The following SFXN4 variants were observed in gnomAD, a reference collection of about 807,000 sequenced individuals.
The protein encoded by SFXN4 is sideroflexin-4.
SFXN4 carries 48 observed loss-of-function variants against 54.6 expected under a neutral mutation model. That is an observed-to-expected ratio of 0.88 (90% CI 0.70 to 1.12). The LOEUF is 1.12. Ranked by LOEUF, SFXN4 falls within the 50% of genes most tolerant of loss-of-function variation. The pLI is 0.00. For synonymous variants in SFXN4, 130 were observed against 145.5 expected (o/e 0.89, Z 0.77); for missense variants, 383 against 409.2 (o/e 0.94, Z 0.55).
intron 1 of SFXN4, chr10:119,165,132 C>T: frequency 2.3e-6 from 2 of 873,512 alleles, no homozygotes; most frequent in Non-Finnish European, 1.4e-6. Flanking sequence ...GGAGATAAGT[C>T]CTGCTTATGT....
At chr10:119,150,985 T>C (rs943465138) in intron 11 of SFXN4, among the ~76,000 whole-genome samples, 2 of 150,418 alleles carry the variant, frequency 1.3e-5, no homozygotes, top group Non-Finnish European at 2.9e-5. Flanking sequence ...GACGGATGAA[T>C]CTCAAACGTG....
At chr10:119,165,149 C>T in intron 1 of SFXN4, 1 of 991,772 alleles carries the variant, frequency 1.0e-6, no homozygotes, top group Non-Finnish European at 1.2e-6. Flanking sequence ...ATGTCCTGCC[C>T]AAGGGTGGCT....
chr10:119,157,798 A>T (rs560018929), intron 8 of SFXN4, 65 bp from the exon 9 acceptor site: 5 of 1,604,820 alleles, frequency 3.1e-6, no homozygotes, highest in Non-Finnish European at 4.3e-6. Flanking sequence ...GATAATTTAA[A>T]AACAAACACA....
intron 10 of SFXN4, among the ~76,000 whole-genome samples, chr10:119,155,928 A>C (rs1847262094): frequency 6.6e-6 from 1 of 152,122 alleles, no homozygotes; most frequent in African/African-American, 2.4e-5. Context: ...GCAGAGTCAA[A>C]ATATTCAGCT....
chr10:119,147,249 C>T (rs139222827), intron 12 of SFXN4, among the ~76,000 whole-genome samples: 36 of 152,356 alleles, frequency 2.4e-4, no homozygotes, highest in African/African-American at 7.5e-4. Flanking sequence ...AAAGCCCCAA[C>T]GTCTCCCCTC....
chr10:119,152,510 C>G (rs1325574271), intron 11 of SFXN4, among the ~76,000 whole-genome samples: 1 of 152,132 alleles, frequency 6.6e-6, no homozygotes, highest in African/African-American at 2.4e-5. Flanking sequence ...GAACTCCTGA[C>G]CGACTGCAAG....
intron 13 of SFXN4, among the ~76,000 whole-genome samples, chr10:119,145,271 C>T (rs1282905914): frequency 6.7e-6 from 1 of 150,010 alleles, no homozygotes; most frequent in African/African-American, 2.4e-5. Context: ...ACTGATGACT[C>T]ACCTTCACTT....
chr10:119,157,631 G>A (rs1847325628), intron 9 of SFXN4, 37 bp downstream of exon 9: 9 of 1,478,420 alleles, frequency 6.1e-6, no homozygotes, highest in Non-Finnish European at 6.5e-6. Flanking sequence ...GGATTCTGAG[G>A]AATAAAGAAG....
chr10:119,158,174 C>A (rs1564824544), intron 6 of SFXN4, 112 bp from the exon 7 acceptor site: 1 of 1,011,898 alleles, frequency 9.9e-7, no homozygotes, highest in Non-Finnish European at 1.6e-6. Flanking sequence ...GGAGCTGGGG[C>A]AGGAGAGGAT....
chr10:119,143,960 C>T (rs535993850), intron 13 of SFXN4, among the ~76,000 whole-genome samples: 3 of 152,252 alleles, frequency 2.0e-5, no homozygotes, highest in South Asian at 2.1e-4. Flanking sequence ...AACCCCTCGC[C>T]CATAGCATAG....
intron 12 of SFXN4, among the ~76,000 whole-genome samples, chr10:119,146,962 C>T (rs1010000867): frequency 1.3e-5 from 2 of 152,138 alleles, no homozygotes; most frequent in South Asian, 2.1e-4. Flanking sequence ...CCCAGGCATG[C>T]GACCTAACTC....
At chr10:119,143,290 C>T (rs1434259694) in intron 13 of SFXN4, among the ~76,000 whole-genome samples, 1 of 152,128 alleles carries the variant, frequency 6.6e-6, no homozygotes, top group East Asian at 1.9e-4. Context: ...TCTTCCCTCT[C>T]CCTCCTGGGC....
intron 9 of SFXN4, 79 bp from the exon 10 acceptor site, chr10:119,156,835 C>CCTCT: frequency 9.5e-7 from 1 of 1,052,140 alleles, no homozygotes; most frequent in Non-Finnish European, 1.4e-6. Flanking sequence ...GAGAGGTCGC[C>CCTCT]CTGACCTAGT....
intron 11 of SFXN4, among the ~76,000 whole-genome samples, chr10:119,152,222 T>C (rs1751940477): frequency 1.7e-5 from 1 of 58,008 alleles, no homozygotes; most frequent in South Asian, 1.0e-3. Flanking sequence ...AAAATGTCTC[T>C]TTCGGGCGTT....
chr10:119,160,386 G>A (rs1215953042), intron 5 of SFXN4, among the ~76,000 whole-genome samples: 1 of 151,418 alleles, frequency 6.6e-6, no homozygotes, highest in Non-Finnish European at 1.5e-5. Flanking sequence ...ATGGTGGCAG[G>A]CACCTGTAAT....
At chr10:119,144,227 C>A (rs6585535) in intron 13 of SFXN4, among the ~76,000 whole-genome samples, 1 of 151,868 alleles carries the variant, frequency 6.6e-6, no homozygotes, top group South Asian at 2.1e-4. Context: ...GAGGCCGAGG[C>A]GGGCGGATCA....
At chr10:119,153,693 G>C (rs1847165829) in intron 11 of SFXN4, among the ~76,000 whole-genome samples, 1 of 152,176 alleles carries the variant, frequency 6.6e-6, no homozygotes, top group Non-Finnish European at 1.5e-5. Context: ...TGGGAGGGCA[G>C]ATATTGGATT....
In SFXN4 at chr10:119,157,751, T is replaced by C. The variant is rs1299766279; in HGVS notation, c.472-18A>G. ...TTACAAGTCTAAGGAGAAACAAAAG[T>C]ACTTAATTAGCAAATATCACAGTTT... On this transcript the variant is annotated intron_variant, in intron 8 of 13. Transcript: ENST00000355697. 2 of 1,607,574 alleles carry C rather than the reference T, an allele frequency of 1.2e-6. No individual in the cohort carries two copies. Among genetic ancestry groups the C allele is most frequent in the Non-Finnish European group, 1.7e-6 (2 of 1,176,666 alleles).
intron 2 of SFXN4, 59 bp downstream of exon 2, chr10:119,164,072 A>G (rs1019443314): frequency 4.3e-6 from 4 of 921,980 alleles, no homozygotes; most frequent in African/African-American, 1.7e-5. Flanking sequence ...AAAGGGACAC[A>G]CAGACTTCAA....
Sources: gnomAD v4.1 joint callset for allele counts (sites outside exome capture counted in the v4.1 genomes callset) on GRCh38, gnomAD v4.1.1 for gene constraint, MANE v1.5 for transcripts, NCBI Gene and HGNC (gene_info 2026-07-23, HGNC 2026-07-21) for gene names.